ZIM2: variants seen among roughly 807,000 people sequenced by gnomAD.
ZIM2 encodes the protein zinc finger protein 656.
ZIM2 carries 14 observed loss-of-function variants against 38.6 expected under a neutral mutation model. That is an observed-to-expected ratio of 0.36 (90% confidence interval 0.24 to 0.57). The LOEUF (loss-of-function observed/expected upper bound fraction) is 0.57. Among genes scored for constraint, ZIM2 ranks in the 20% least tolerant of loss-of-function variants. The pLI, the probability that ZIM2 is intolerant of heterozygous loss-of-function variation, is 0.81. For missense variants in ZIM2, 680 were observed against 695.1 expected (o/e 0.98, Z 0.24); for synonymous variants, 247 against 245.8 (o/e 1.00, Z -0.04).
chr19:56,819,093 G>A (rs926405544), intron 7 of ZIM2, among the ~76,000 whole-genome samples: 1 of 152,180 alleles, frequency 6.6e-6, no homozygotes, highest in African/African-American at 2.4e-5. Context: ...AGGGCAGGTG[G>A]GGCCTTAAGT....
At chr19:56,816,135 A>G (rs33931963) in intron 9 of ZIM2, 394,329 of 1,613,122 alleles carry the variant, frequency 0.24, 49,182 homozygotes, top group Non-Finnish European at 0.26. Flanking sequence ...ATTTTGCCTC[A>G]TAGACATTTT....
At chr19:56,789,622 A>G (rs1568573793) in intron 10 of ZIM2, among the ~76,000 whole-genome samples, 1 of 152,204 alleles carries the variant, frequency 6.6e-6, no homozygotes, top group Non-Finnish European at 1.5e-5. Context: ...TGGGATGGTG[A>G]TAAGTACAAC....
rs1168086242 is a variant in ZIM2 at position 56,790,669 on chromosome 19, A to ACT, written c.491-719_491-718insAG. Among the ~76,000 whole-genome samples, 7 of 152,348 alleles carry ACT rather than the reference A, an allele frequency of 4.6e-5. No homozygotes were observed. The East Asian group carries it at 1.3e-3, about 29-fold the overall frequency. On this transcript the variant is annotated intron_variant, in intron 9 of 12. Transcript: ENST00000629319. ...GTTATAATTGTTCCATTTTATAACTAGTTGTTAATATCGTACTGTGCCTAA... is the reference window on the plus strand; with the variant it reads ...GTTATAATTGTTCCATTTTATAACTACTGTTGTTAATATCGTACTGTGCCTAA...
At chr19:56,807,517 A>C (rs571375792) in intron 9 of ZIM2, among the ~76,000 whole-genome samples, 2 of 152,364 alleles carry the variant, frequency 1.3e-5, no homozygotes, top group South Asian at 2.1e-4. Context: ...ACAACAAAAA[A>C]ACATGTCTAG....
At chr19:56,789,768 C>A in intron 10 of ZIM2, 104 bp downstream of exon 10, 1 of 1,022,696 alleles carries the variant, frequency 9.8e-7, no homozygotes, top group African/African-American at 1.6e-5. Context: ...TATATAAAAA[C>A]TTAATGGAAA....
At chr19:56,781,466 A>T (rs569741723) in intron 11 of ZIM2, among the ~76,000 whole-genome samples, 1 of 152,128 alleles carries the variant, frequency 6.6e-6, no homozygotes, top group African/African-American at 2.4e-5. Flanking sequence ...ATTTTTAGCA[A>T]TTCCTTCGCT....
In ZIM2 at chr19:56,798,215, G is replaced by A. The variant is rs530978056; in HGVS notation, c.491-8264C>T. The A allele has an allele frequency of 2.0e-5, 3 of 152,290 alleles. No individual in the cohort carries two copies. The South Asian group carries it at 6.2e-4, about 32-fold the overall frequency. The allele number at this position is 152,290 out of a possible 1,614,324, so 9.4% of individuals were successfully genotyped here. On this transcript the variant is annotated intron_variant, in intron 9 of 12. Coordinates refer to ENST00000629319, the MANE Select transcript of ZIM2 (RefSeq NM_001387356.1). The stretch of plus-strand genomic sequence containing the variant: ...AAACAAAGTTTAGCCATGTGAACAC[G>A]TTCCAATTTTGTTGGAAATAATTTG...
chr19:56,823,934 G>A (rs1288809107), intron 4 of ZIM2, among the ~76,000 whole-genome samples: 2 of 152,072 alleles, frequency 1.3e-5, no homozygotes, highest in Non-Finnish European at 2.9e-5. Flanking sequence ...CAACCTCCTA[G>A]CACACCACAC....
At chr19:56,795,477 C>CACGCCCT (rs1252246371) in intron 9 of ZIM2, among the ~76,000 whole-genome samples, 1 of 152,234 alleles carries the variant, frequency 6.6e-6, no homozygotes, top group Non-Finnish European at 1.5e-5. Context: ...TCGCACGCCT[C>CACGCCCT]ACGCCCTGGC....
intron 9 of ZIM2, among the ~76,000 whole-genome samples, chr19:56,792,266 G>A (rs2046972845): frequency 6.6e-6 from 1 of 151,956 alleles, no homozygotes; most frequent in South Asian, 2.1e-4. Flanking sequence ...GGTGGCTCTT[G>A]TCTATAATTC....
chr19:56,814,172 C>A lies in ZIM2; in HGVS notation c.490+3574G>T, dbSNP rs1215749606. The A allele has an allele frequency of 1.9e-6, 3 of 1,614,178 alleles. No homozygotes were observed. Among genetic ancestry groups the A allele is most frequent in the South Asian group, 2.2e-5 (2 of 91,070 alleles). On this transcript the variant is annotated intron_variant, in intron 9 of 12. Coordinates refer to ENST00000629319, the MANE Select transcript of ZIM2 (RefSeq NM_001387356.1). This position sits in a 1 kb window ranked among gnomAD's most constrained non-coding sequence, Gnocchi z 5.8. Reference sequence around the variant, plus strand: ...GGCTCTGCAGCCTCTCCATCTGGCCCTTCAGCCTCTCCGTTTGGCTCAGCA... The same window carrying A: ...GGCTCTGCAGCCTCTCCATCTGGCCATTCAGCCTCTCCGTTTGGCTCAGCA...
Position 56,822,248 on chromosome 19 carries a change from GGAA to G in ZIM2, c.191-497_191-495del, listed in dbSNP as rs1193745178. 3.9e-5 allele frequency among the ~76,000 whole-genome samples: 6 copies of G among 152,172 alleles called. No individual in the cohort carries two copies. In the East Asian group the frequency reaches 1.2e-3, roughly 29 times the overall value. The stretch of plus-strand genomic sequence containing the variant: ...CCCACAGCAGTGTTCTCCAAGTCCA[GGAA>G]GAAGAGGAAATGATTTCCAGCAGTA... On this transcript the variant is annotated intron_variant, in intron 6 of 12. Coordinates refer to ENST00000629319, the MANE Select transcript of ZIM2 (RefSeq NM_001387356.1).
At chr19:56,823,183 C>T (rs914762179) in intron 5 of ZIM2, among the ~76,000 whole-genome samples, 6 of 152,044 alleles carry the variant, frequency 3.9e-5, no homozygotes, top group Admixed American at 6.5e-5. Flanking sequence ...GTCTGGCAGC[C>T]GATCTTAAAG....
At chr19:56,821,071 T>C (rs572748800) in intron 7 of ZIM2, among the ~76,000 whole-genome samples, 12 of 152,322 alleles carry the variant, frequency 7.9e-5, no homozygotes, top group Non-Finnish European at 1.5e-4. Flanking sequence ...ACTGCCATAA[T>C]TGTTAACATT....
At chr19:56,812,312 C>CA in intron 9 of ZIM2, 1 of 982,196 alleles carries the variant, frequency 1.0e-6, no homozygotes, top group Non-Finnish European at 1.2e-6. Flanking sequence ...ACACAACACT[C>CA]AGAAATACTC....
chr19:56,781,874 C>G, intron 11 of ZIM2, 79 bp downstream of exon 11: 2 of 1,535,286 alleles, frequency 1.3e-6, no homozygotes, highest in Non-Finnish European at 1.8e-6. Context: ...ACCACCATTA[C>G]TGATGAGAGG....
chr19:56,822,630 G>A lies in ZIM2; in HGVS notation c.190+123C>T, dbSNP rs1288337720. The stretch of plus-strand genomic sequence containing the variant: ...ATACGAGCCTTGGACTAAACTTTTG[G>A]GGAAGCGGAATATACTCCAAATGGA... On this transcript the variant is annotated intron_variant, in intron 6 of 12. Coordinates refer to ENST00000629319, the MANE Select transcript of ZIM2 (RefSeq NM_001387356.1). 37 of 1,364,084 alleles carry A rather than the reference G, an allele frequency of 2.7e-5. No homozygotes were observed. In the Admixed American group the frequency reaches 8.2e-4, roughly 30 times the overall value. The allele number at this position is 1,364,084 out of a possible 1,614,324, so 84.5% of individuals were successfully genotyped here. A position where few individuals can be genotyped will look rare whatever the true frequency, so the allele number is the denominator to read the frequency against.
At chr19:56,813,611 A>G in intron 9 of ZIM2, 1 of 1,535,518 alleles carries the variant, frequency 6.5e-7, no homozygotes, top group African/African-American at 1.4e-5. Flanking sequence ...ATTGGTTTGG[A>G]TTCTCTGTGG....
At chr19:56,836,951 G>A (rs1199571670) in intron 1 of ZIM2, among the ~76,000 whole-genome samples, 2 of 136,034 alleles carry the variant, frequency 1.5e-5, no homozygotes, top group African/African-American at 5.7e-5. Flanking sequence ...GCCTGGGTGA[G>A]AGGGCCAGAC....
Sources: allele counts gnomAD v4.1 joint callset (sites outside exome capture counted in the v4.1 genomes callset), GRCh38; gene constraint gnomAD v4.1.1; non-coding constraint Gnocchi (gnomAD v3.1); transcripts MANE v1.5; gene names NCBI Gene and HGNC (gene_info 2026-07-23, HGNC 2026-07-21).